The following LYPD6B variants were observed in gnomAD, a reference collection of about 807,000 sequenced individuals.
The protein encoded by LYPD6B is LY6/PLAUR domain containing 6B.
In LYPD6B, 17 loss-of-function variants were observed where a neutral mutation model predicts 22.8. The ratio of observed to expected loss-of-function variants is 0.75; its 90% CI spans 0.51 to 1.12. LYPD6B has a LOEUF of 1.12. Among genes scored for constraint, LYPD6B ranks in the 50% most tolerant of loss-of-function variants. LYPD6B has a pLI of 0.00. For missense variants in LYPD6B, 221 were observed against 258.3 expected (o/e 0.86, Z 0.99); for synonymous variants, 106 against 91.6 (o/e 1.16, Z -0.90).
intron 1 of LYPD6B, among the ~76,000 whole-genome samples, chr2:149,045,695 AT>A (rs1683276903): frequency 6.6e-6 from 1 of 151,660 alleles, no homozygotes; most frequent in Non-Finnish European, 1.5e-5. Flanking sequence ...ATATTTGGGG[AT>A]TTTCTAGAAG....
intron 1 of LYPD6B, among the ~76,000 whole-genome samples, chr2:149,105,761 T>G (rs1371087762): frequency 6.6e-6 from 1 of 152,154 alleles, no homozygotes; most frequent in Non-Finnish European, 1.5e-5. Context: ...AAAGATAGTT[T>G]TACTTCTGTC....
chr2:149,123,122 C>T (rs1687477661), intron 1 of LYPD6B, among the ~76,000 whole-genome samples: 1 of 152,194 alleles, frequency 6.6e-6, no homozygotes, highest in African/African-American at 2.4e-5. Flanking sequence ...AGGATTCAGT[C>T]ATCACATGGA....
intron 1 of LYPD6B, among the ~76,000 whole-genome samples, chr2:149,039,004 C>T (rs1371364695): frequency 6.6e-6 from 1 of 151,224 alleles, no homozygotes; most frequent in Non-Finnish European, 1.5e-5. Context: ...GGGGTCTGGT[C>T]GCTGCCTCGA....
intron 1 of LYPD6B, among the ~76,000 whole-genome samples, chr2:149,118,511 A>G: frequency 6.6e-6 from 1 of 152,166 alleles, no homozygotes. Context: ...TTTGGGGCTA[A>G]TATTGTTCTT....
rs1690007950 is a variant in LYPD6B at position 149,160,791 on chromosome 2, C to T, written c.33C>T (p.Phe11=). 6.4e-7 allele frequency: 1 copy of T among 1,556,730 alleles called. No individual in the cohort carries two copies. Among genetic ancestry groups the T allele is most frequent in the East Asian group, 2.4e-5 (1 of 41,710 alleles). Residue 11 remains phenylalanine, a synonymous_variant, in exon 3 of 7, where the codon TTC becomes TTT. Transcript: ENST00000409642. Reference sequence around the variant, plus strand: ...TGATTACTCTGAGTGCAAACCTTTTCACTGTTCCAGAGAGGAGCCTGACAA... The same window carrying T: ...TGATTACTCTGAGTGCAAACCTTTTTACTGTTCCAGAGAGGAGCCTGACAA... MLLITLSANL[F]TVPERSLTTT...
At chr2:149,118,951 A>G (rs77381961) in intron 1 of LYPD6B, among the ~76,000 whole-genome samples, 1,865 of 152,364 alleles carry the variant, frequency 0.012, 41 homozygotes, top group African/African-American at 0.042. Flanking sequence ...TGTCAAAGGT[A>G]AAAAATGCAG....
intron 3 of LYPD6B, among the ~76,000 whole-genome samples, chr2:149,190,116 G>T (rs904724208): frequency 6.6e-6 from 1 of 151,932 alleles, no homozygotes; most frequent in African/African-American, 2.4e-5. Flanking sequence ...CTACCTGTAG[G>T]CCATTGCTTT....
At chr2:149,076,531 A>G (rs1222903675) in intron 1 of LYPD6B, among the ~76,000 whole-genome samples, 1 of 152,204 alleles carries the variant, frequency 6.6e-6, no homozygotes, top group Non-Finnish European at 1.5e-5. Flanking sequence ...ACTGAAAGTG[A>G]GTTATTTGTC....
chr2:149,174,725 G>A (rs954606105), intron 3 of LYPD6B, among the ~76,000 whole-genome samples: 2 of 151,062 alleles, frequency 1.3e-5, no homozygotes, highest in Non-Finnish European at 3.0e-5. Flanking sequence ...GCATCCTAGG[G>A]ATGAAGTCTG....
chr2:149,052,822 A>G (rs1313255829), intron 1 of LYPD6B, among the ~76,000 whole-genome samples: 1 of 152,232 alleles, frequency 6.6e-6, no homozygotes, highest in Admixed American at 6.5e-5. Flanking sequence ...TTTTATTCTA[A>G]ACATTTATGT....
chr2:149,062,860 CTTTTTT>C (rs5835285), intron 1 of LYPD6B, among the ~76,000 whole-genome samples: 2 of 93,558 alleles, frequency 2.1e-5, no homozygotes, highest in Admixed American at 1.2e-4. Flanking sequence ...GATACATGTT[CTTTTTT>C]TTTTTTTTTT....
At chr2:149,054,132 G>T (rs988169817) in intron 1 of LYPD6B, among the ~76,000 whole-genome samples, 2 of 152,156 alleles carry the variant, frequency 1.3e-5, no homozygotes, top group African/African-American at 4.8e-5. Flanking sequence ...ATAATTGTTG[G>T]ATCATATGGT....
chr2:149,160,726 G>A (rs1418105186), intron 2 of LYPD6B, 38 bp from the exon 3 acceptor site: 6 of 1,390,588 alleles, frequency 4.3e-6, no homozygotes, highest in East Asian at 2.5e-5. Context: ...CTCATCGTCA[G>A]CAGTGGCTCT....
chr2:149,197,497 C>T (rs910187409), intron 3 of LYPD6B, among the ~76,000 whole-genome samples: 10 of 151,810 alleles, frequency 6.6e-5, no homozygotes, highest in Non-Finnish European at 1.2e-4. Flanking sequence ...GATGATAGAG[C>T]GAGACTCTGT....
intron 1 of LYPD6B, among the ~76,000 whole-genome samples, chr2:149,042,805 CTT>C (rs924944706): frequency 2.0e-5 from 3 of 152,214 alleles, no homozygotes; most frequent in South Asian, 4.1e-4. Context: ...CTTATTCTCT[CTT>C]GTTTCCAGCA....
intron 2 of LYPD6B, among the ~76,000 whole-genome samples, chr2:149,156,365 C>T (rs934771907): frequency 6.6e-6 from 1 of 152,148 alleles, no homozygotes; most frequent in East Asian, 1.9e-4. Context: ...TCCCCGTGAC[C>T]TTTCCAGACT....
intron 3 of LYPD6B, among the ~76,000 whole-genome samples, chr2:149,171,837 A>G (rs1390541908): frequency 6.6e-6 from 1 of 152,172 alleles, no homozygotes; most frequent in East Asian, 1.9e-4. Flanking sequence ...CTACAATAAA[A>G]ACCAATGATC....
intron 1 of LYPD6B, among the ~76,000 whole-genome samples, chr2:149,082,753 T>TG (rs1045444221): frequency 6.6e-6 from 1 of 152,212 alleles, no homozygotes; most frequent in African/African-American, 2.4e-5. Context: ...TGAAATCATT[T>TG]GGGGCTCCTC....
intron 1 of LYPD6B, among the ~76,000 whole-genome samples, chr2:149,075,913 T>C (rs568938016): frequency 7.6e-4 from 115 of 152,306 alleles, no homozygotes; most frequent in African/African-American, 2.7e-3. Context: ...AGTAAAAACA[T>C]GCCGAGACAA....
Sources: allele counts gnomAD v4.1 joint callset (sites outside exome capture counted in the v4.1 genomes callset), GRCh38; gene constraint gnomAD v4.1.1; transcripts MANE v1.5; gene names NCBI Gene and HGNC (gene_info 2026-07-23, HGNC 2026-07-21).